Variants in CDKAL1 observed in about 807,000 individuals in gnomAD.
CDKAL1 encodes threonylcarbamoyladenosine tRNA methylthiotransferase.
In CDKAL1, 32 loss-of-function variants were observed where a neutral mutation model predicts 68.2. The ratio of observed to expected loss-of-function variants is 0.47; its 90% CI spans 0.35 to 0.63. The LOEUF is 0.63. Ranked by LOEUF, CDKAL1 falls within the 30% of genes least tolerant of loss-of-function variation. CDKAL1 has a pLI of 0.00. For missense variants in CDKAL1, 606 were observed against 696.7 expected (o/e 0.87, Z 1.47); for synonymous variants, 234 against 244.3 (o/e 0.96, Z 0.39).
chr6:20,991,039 G>C (rs1427140798), intron 10 of CDKAL1, among the ~76,000 whole-genome samples: 1 of 152,208 alleles, frequency 6.6e-6, no homozygotes, highest in Non-Finnish European at 1.5e-5. Flanking sequence ...TTTAATTGCA[G>C]GATAGGGAAG....
At chr6:20,810,367 GTCTCTC>G (rs5874785) in intron 8 of CDKAL1, among the ~76,000 whole-genome samples, 12 of 136,406 alleles carry the variant, frequency 8.8e-5, no homozygotes, top group South Asian at 5.3e-4. Context: ...CATAGTGAGA[GTCTCTC>G]TCTCTCTCTC....
intron 8 of CDKAL1, among the ~76,000 whole-genome samples, chr6:20,809,503 C>T (rs6456375): frequency 0.96 from 145,994 of 152,274 alleles, 69,997 homozygotes; most frequent in East Asian, 1. Flanking sequence ...TATTTTACTA[C>T]ACTTGGAATG....
intron 9 of CDKAL1, among the ~76,000 whole-genome samples, chr6:20,866,542 T>C (rs1036016177): frequency 2.6e-5 from 4 of 152,178 alleles, no homozygotes; most frequent in African/African-American, 9.7e-5. Context: ...CTTATACTTT[T>C]TAAAATTTAT....
At chr6:21,055,384 A>G (rs1179592533) in intron 11 of CDKAL1, among the ~76,000 whole-genome samples, 1 of 150,978 alleles carries the variant, frequency 6.6e-6, no homozygotes, top group Non-Finnish European at 1.5e-5. Flanking sequence ...TTCTTTTTTT[A>G]CTTTTTTTTA....
intron 5 of CDKAL1, among the ~76,000 whole-genome samples, chr6:20,715,022 C>A (rs1772024625): frequency 6.6e-6 from 1 of 152,132 alleles, no homozygotes; most frequent in African/African-American, 2.4e-5. Flanking sequence ...AAATTAAGAT[C>A]ATCATCTTAC....
At chr6:20,816,956 A>T (rs142262961) in intron 8 of CDKAL1, among the ~76,000 whole-genome samples, 1 of 152,266 alleles carries the variant, frequency 6.6e-6, no homozygotes, top group African/African-American at 2.4e-5. Flanking sequence ...CACTAATCTA[A>T]ACAGAGGATT....
chr6:20,904,249 T>A (rs1187598547), intron 9 of CDKAL1, among the ~76,000 whole-genome samples: 2 of 152,094 alleles, frequency 1.3e-5, no homozygotes, highest in African/African-American at 4.8e-5. Context: ...AAAGGTCTAG[T>A]CCAGGGCTGG....
chr6:21,215,275 C>G (rs907667307), intron 15 of CDKAL1, among the ~76,000 whole-genome samples: 32 of 152,306 alleles, frequency 2.1e-4, no homozygotes, highest in African/African-American at 7.2e-4. Flanking sequence ...AAAGGAATAG[C>G]AAACAGACAT....
intron 4 of CDKAL1, among the ~76,000 whole-genome samples, chr6:20,581,768 G>A (rs1051083553): frequency 3.3e-5 from 5 of 152,138 alleles, no homozygotes; most frequent in African/African-American, 1.2e-4. Flanking sequence ...TATAATAAAT[G>A]TCTTGAAGTT....
rs370078995 is a variant in CDKAL1, at chr6:21,219,992, A to G, written c.1549-10856A>G. The stretch of plus-strand genomic sequence containing the variant: ...TATTGAAAAGATTTCTTCATCAGTA[A>G]AGCATCTTGACCCAATTCACCTTTT... On this transcript the variant is annotated intron_variant, in intron 15 of 15. Coordinates refer to ENST00000274695, the MANE Select transcript of CDKAL1 (RefSeq NM_017774.3). Among the ~76,000 whole-genome samples the G allele has an allele frequency of 4.6e-5, 7 of 152,308 alleles. No homozygotes were observed. The East Asian group carries it at 9.6e-4, about 21-fold the overall frequency.
intron 5 of CDKAL1, among the ~76,000 whole-genome samples, chr6:20,653,099 A>G (rs567842175): frequency 6.6e-6 from 1 of 152,222 alleles, no homozygotes; most frequent in African/African-American, 2.4e-5. Context: ...AGAATTTGCT[A>G]CAATTTATTC....
chr6:20,949,894 A>G (rs1031853379), intron 9 of CDKAL1, among the ~76,000 whole-genome samples: 4 of 152,024 alleles, frequency 2.6e-5, no homozygotes, highest in Non-Finnish European at 4.4e-5. Flanking sequence ...GGTTCAAGCA[A>G]TCCACCTGTC....
chr6:20,898,381 C>T (rs1451169200), intron 9 of CDKAL1, among the ~76,000 whole-genome samples: 2 of 149,646 alleles, frequency 1.3e-5, no homozygotes, highest in African/African-American at 4.9e-5. Flanking sequence ...GTGTAGCCGT[C>T]TCCGGTTGGG....
intron 8 of CDKAL1, among the ~76,000 whole-genome samples, chr6:20,820,887 AATG>A (rs1777249174): frequency 2.0e-5 from 3 of 152,092 alleles, no homozygotes; most frequent in African/African-American, 4.8e-5. Context: ...ACTAGATTAA[AATG>A]TCAGATAGTG....
At chr6:20,569,610 T>G (rs1212809419) in intron 4 of CDKAL1, among the ~76,000 whole-genome samples, 1 of 152,234 alleles carries the variant, frequency 6.6e-6, no homozygotes, top group East Asian at 1.9e-4. Context: ...GGTGCTATGC[T>G]GTTTTAATTC....
intron 12 of CDKAL1, among the ~76,000 whole-genome samples, chr6:21,097,895 A>T: frequency 6.6e-6 from 1 of 152,398 alleles, no homozygotes. Flanking sequence ...AAAAATTTGC[A>T]TTTGAGTTAG....
intron 6 of CDKAL1, among the ~76,000 whole-genome samples, chr6:20,751,562 G>A (rs62399308): frequency 0.013 from 1,971 of 152,278 alleles, 19 homozygotes; most frequent in Non-Finnish European, 0.02. Flanking sequence ...CTTTAGAATA[G>A]CATTTTTATT....
At chr6:21,092,156 G>A (rs953997191) in intron 12 of CDKAL1, among the ~76,000 whole-genome samples, 1 of 135,052 alleles carries the variant, frequency 7.4e-6, no homozygotes, top group African/African-American at 2.7e-5. Flanking sequence ...AAAGTCCTGG[G>A]ATTACAGGCG....
intron 5 of CDKAL1, among the ~76,000 whole-genome samples, chr6:20,687,638 G>A (rs1029634367): frequency 4.6e-5 from 7 of 151,938 alleles, no homozygotes; most frequent in Middle Eastern, 3.4e-3. Context: ...TCCTAGGCAC[G>A]GGTGATCCTC....
Sources: gnomAD v4.1 joint callset for allele counts (sites outside exome capture counted in the v4.1 genomes callset) on GRCh38, gnomAD v4.1.1 for gene constraint, MANE v1.5 for transcripts, NCBI Gene and HGNC (gene_info 2026-07-23, HGNC 2026-07-21) for gene names.